The following GRID2 variants were observed in gnomAD, a reference collection of about 807,000 sequenced individuals.
GRID2 encodes the protein glutamate receptor ionotropic, delta-2.
In GRID2, 33 loss-of-function variants were observed where a neutral mutation model predicts 114.8. The ratio of observed to expected loss-of-function variants is 0.29; its 90% confidence interval spans 0.22 to 0.38. The LOEUF is 0.38. Among genes scored for constraint, GRID2 ranks in the 10% least tolerant of loss-of-function variants. The pLI is 1.00. For synonymous variants in GRID2, 505 were observed against 449.9 expected (o/e 1.12, Z -1.55); for missense variants, 1,184 against 1,257.7 (o/e 0.94, Z 0.89).
chr4:93,037,160 A>C (rs1725007033), intron 2 of GRID2, among the ~76,000 whole-genome samples: 1 of 152,192 alleles, frequency 6.6e-6, no homozygotes, highest in Admixed American at 6.6e-5. Flanking sequence ...TTTCTCTGGC[A>C]TGTAATTTCT....
At chr4:93,714,249 T>A (rs1728722764) in intron 14 of GRID2, among the ~76,000 whole-genome samples, 1 of 152,306 alleles carries the variant, frequency 6.6e-6, no homozygotes, top group South Asian at 2.1e-4. Context: ...TCCATTCATG[T>A]TCCTGCAAAG....
chr4:92,687,029 T>G (rs1274150283), intron 2 of GRID2, among the ~76,000 whole-genome samples: 1 of 152,188 alleles, frequency 6.6e-6, no homozygotes, highest in East Asian at 1.9e-4. Flanking sequence ...TTATTTCATG[T>G]AAGGCTGATA....
chr4:92,552,742 G>C (rs936929874), intron 1 of GRID2, among the ~76,000 whole-genome samples: 1 of 152,180 alleles, frequency 6.6e-6, no homozygotes, highest in African/African-American at 2.4e-5. Flanking sequence ...ATGTCCAGAC[G>C]AAGGGAAGGC....
At position 92,673,312 on chromosome 4, in the gene GRID2, G is replaced by A. The variant is rs117590933; in HGVS notation, c.244+83026G>A. On this transcript the variant is annotated intron_variant, in intron 2 of 15. Coordinates refer to ENST00000282020, the MANE Select transcript of GRID2 (RefSeq NM_001510.4). ...ACTGTAGCAGTGTATTCCCATTTAT[G>A]TCTGTATGCACTGTTGTGCAATTGT... 3.0e-4 allele frequency among the ~76,000 whole-genome samples: 45 copies of A among 152,184 alleles called. 3 individuals are homozygous for A. The East Asian group carries it at 8.7e-3, about 29-fold the overall frequency.
At chr4:93,223,911 G>A (rs1309292118) in intron 6 of GRID2, among the ~76,000 whole-genome samples, 2 of 152,082 alleles carry the variant, frequency 1.3e-5, no homozygotes, top group Admixed American at 1.3e-4. Context: ...TTCAATCTAT[G>A]TAGAAAGAAG....
At chr4:93,807,660 TAA>T (rs34615067) in exon 2 of GRID2, 35,713 of 152,084 alleles carry the variant, frequency 0.23, 4,969 homozygotes, top group Non-Finnish European at 0.3. Flanking sequence ...AGCGCTAAGA[TAA>T]GTTTGTTTTC....
At chr4:93,344,092 C>T (rs1579751933) in intron 8 of GRID2, among the ~76,000 whole-genome samples, 2 of 151,912 alleles carry the variant, frequency 1.3e-5, no homozygotes, top group Admixed American at 6.6e-5. Context: ...CACAGTCCTC[C>T]TTGATGCATG....
intron 14 of GRID2, among the ~76,000 whole-genome samples, chr4:93,705,416 C>T (rs528682185): frequency 7.2e-5 from 11 of 151,730 alleles, no homozygotes; most frequent in Admixed American, 1.3e-4. Flanking sequence ...CTGCAACTTC[C>T]GCCTCCCAGG....
At chr4:92,548,401 ATTTTTTTT>A (rs61653263) in intron 1 of GRID2, among the ~76,000 whole-genome samples, 2 of 60,808 alleles carry the variant, frequency 3.3e-5, no homozygotes, top group South Asian at 1.4e-3. Flanking sequence ...AGACTGTGTA[ATTTTTTTT>A]TTTTTTTTTT....
intron 2 of GRID2, among the ~76,000 whole-genome samples, chr4:92,984,276 G>T (rs1754378267): frequency 6.6e-6 from 1 of 152,146 alleles, no homozygotes; most frequent in South Asian, 2.1e-4. Context: ...AGTTACATCA[G>T]TCTTTGAACA....
chr4:92,584,433 T>A (rs1437708742), intron 1 of GRID2, among the ~76,000 whole-genome samples: 1 of 151,986 alleles, frequency 6.6e-6, no homozygotes, highest in Non-Finnish European at 1.5e-5. Context: ...TATATGATGA[T>A]TTAACAATTC....
chr4:92,475,820 A>G (rs1186085664), intron 1 of GRID2, among the ~76,000 whole-genome samples: 2 of 151,960 alleles, frequency 1.3e-5, no homozygotes, highest in Non-Finnish European at 2.9e-5. Context: ...CCTTTCATTT[A>G]TTTGTAGCTT....
At chr4:92,570,961 TG>T (rs1460018382) in intron 1 of GRID2, among the ~76,000 whole-genome samples, 1 of 152,218 alleles carries the variant, frequency 6.6e-6, no homozygotes, top group South Asian at 2.1e-4. Flanking sequence ...CTGATTGCCC[TG>T]GCTAGAACTT....
At chr4:93,501,045 G>A (rs552149498) in intron 12 of GRID2, among the ~76,000 whole-genome samples, 4 of 152,006 alleles carry the variant, frequency 2.6e-5, no homozygotes, top group African/African-American at 9.6e-5. Context: ...CCAGTTCAGT[G>A]CCTTATGTAG....
intron 9 of GRID2, among the ~76,000 whole-genome samples, chr4:93,418,121 T>G (rs1229519799): frequency 6.6e-6 from 1 of 151,852 alleles, no homozygotes; most frequent in Admixed American, 6.6e-5. Context: ...TGTAAATTTA[T>G]ATATCGAGCA....
intron 11 of GRID2, among the ~76,000 whole-genome samples, chr4:93,477,754 C>A (rs931325143): frequency 5.3e-5 from 8 of 152,082 alleles, no homozygotes; most frequent in Non-Finnish European, 1.2e-4. Flanking sequence ...TATGATCAGA[C>A]TGTCCAGTAG....
intron 1 of GRID2, among the ~76,000 whole-genome samples, chr4:92,481,892 T>C (rs2149105210): frequency 6.7e-6 from 1 of 149,890 alleles, no homozygotes; most frequent in Non-Finnish European, 1.5e-5. Flanking sequence ...GACACATGCA[T>C]TTGTCTGTTC....
intron 2 of GRID2, among the ~76,000 whole-genome samples, chr4:92,932,490 T>C (rs566661137): frequency 1.3e-5 from 2 of 151,372 alleles, no homozygotes; most frequent in African/African-American, 4.8e-5. Context: ...GTATGTGAAA[T>C]AGTACAACAA....
chr4:92,677,498 CTT>C (rs779728003), intron 2 of GRID2, among the ~76,000 whole-genome samples: 8 of 152,116 alleles, frequency 5.3e-5, no homozygotes, highest in Non-Finnish European at 1.2e-4. Flanking sequence ...CCACTGGCCT[CTT>C]TCTCATTTCT....
Sources: gnomAD v4.1 joint callset for allele counts (sites outside exome capture counted in the v4.1 genomes callset) on GRCh38, gnomAD v4.1.1 for gene constraint, MANE v1.5 for transcripts, NCBI Gene and HGNC (gene_info 2026-07-23, HGNC 2026-07-21) for gene names.